SDK1: variants seen among roughly 807,000 people sequenced by gnomAD.
SDK1 encodes the protein sidekick cell adhesion molecule 1.
A neutral mutation model predicts 245.5 loss-of-function variants in SDK1; 157 were observed. The ratio of observed to expected loss-of-function variants is 0.64; its 90% CI spans 0.56 to 0.73. The LOEUF is 0.73. Among genes scored for constraint, SDK1 ranks in the 30% least tolerant of loss-of-function variants. SDK1 has a pLI of 0.00. For synonymous variants in SDK1, 1,647 were observed against 1,278.5 expected (o/e 1.29, Z -6.15); for missense variants, 3,583 against 3,002.3 (o/e 1.19, Z -4.52).
At chr7:3,796,980 TC>T (rs1310921370) in intron 4 of SDK1, among the ~76,000 whole-genome samples, 3 of 152,050 alleles carry the variant, frequency 2.0e-5, no homozygotes, top group African/African-American at 4.8e-5. Flanking sequence ...TCTTTTTTTT[TC>T]CTTTTCTTTT....
At chr7:3,580,917 C>A (rs370609977) in intron 1 of SDK1, among the ~76,000 whole-genome samples, 24 of 132,736 alleles carry the variant, frequency 1.8e-4, no homozygotes, top group African/African-American at 6.6e-4. Flanking sequence ...GCAGATGAGC[C>A]GAGATTGCAC....
chr7:3,428,641 G>C (rs894058834), intron 1 of SDK1, among the ~76,000 whole-genome samples: 14 of 152,150 alleles, frequency 9.2e-5, no homozygotes, highest in African/African-American at 3.1e-4. Flanking sequence ...CTCTGTCTGT[G>C]CTTAGCTTGG....
At chr7:3,419,646 C>G (rs1035976750) in intron 1 of SDK1, among the ~76,000 whole-genome samples, 1 of 152,122 alleles carries the variant, frequency 6.6e-6, no homozygotes, top group Non-Finnish European at 1.5e-5. Flanking sequence ...TTCACAATGT[C>G]GATCATATGG....
chr7:3,375,052 A>G (rs1781319461), intron 1 of SDK1, among the ~76,000 whole-genome samples: 2 of 152,220 alleles, frequency 1.3e-5, no homozygotes, highest in South Asian at 4.1e-4. Flanking sequence ...TTAAGCAAGT[A>G]TTAGTTGAAT....
chr7:4,216,189 T>G (rs968106898), intron 38 of SDK1, among the ~76,000 whole-genome samples: 5 of 152,128 alleles, frequency 3.3e-5, no homozygotes, highest in African/African-American at 1.2e-4. Context: ...CGGGATAGCT[T>G]GAAAAGGACG....
chr7:3,499,602 C>T (rs1255268278), intron 1 of SDK1, among the ~76,000 whole-genome samples: 1 of 152,160 alleles, frequency 6.6e-6, no homozygotes, highest in East Asian at 1.9e-4. Context: ...TGTTGTTTTG[C>T]ATAAAGCAGT....
intron 1 of SDK1, among the ~76,000 whole-genome samples, chr7:3,561,997 G>A (rs1415901605): frequency 2.0e-5 from 3 of 152,178 alleles, no homozygotes; most frequent in East Asian, 1.9e-4. Flanking sequence ...AAAATATAGA[G>A]GAAATAAGCA....
intron 36 of SDK1, among the ~76,000 whole-genome samples, chr7:4,207,339 C>G (rs919365379): frequency 1.3e-5 from 2 of 152,204 alleles, no homozygotes; most frequent in Non-Finnish European, 2.9e-5. Context: ...CTTTGGGCAG[C>G]CTGGCTGGCA....
chr7:4,251,715 A>T (rs1787309674), intron 44 of SDK1, among the ~76,000 whole-genome samples: 1 of 152,222 alleles, frequency 6.6e-6, no homozygotes, highest in South Asian at 2.1e-4. Context: ...AATGAAAGGA[A>T]CTTTTTACCA....
At position 4,245,742 on chromosome 7, in the gene SDK1, C is replaced by G. The variant is rs775866388; in HGVS notation, c.6318C>G (p.Asn2106Lys). The change falls in exon 44 of 45, where the codon AAC (asparagine) becomes AAG (lysine). Residue 2106 changes from asparagine (N) to lysine (K), a missense_variant. Asn to Lys is a moderately conservative substitution (Grantham distance 94, BLOSUM62 0). Coordinates refer to ENST00000404826, the MANE Select transcript of SDK1 (RefSeq NM_152744.4). ...YSDEDICNKY[N>K]GAVLTESVSL... ...ACGAGGACATCTGCAACAAGTACAA[C>G]GGCGCCGTGCTGACCGAGAGCGTGA... 7.4e-6 allele frequency: 12 copies of G among 1,614,066 alleles called. No homozygotes were observed. The highest frequency in any genetic ancestry group is 2.2e-5 in the East Asian group (1 of 44,852).
At chr7:4,109,790 G>T (rs1468856130) in intron 22 of SDK1, among the ~76,000 whole-genome samples, 1 of 152,186 alleles carries the variant, frequency 6.6e-6, no homozygotes, top group African/African-American at 2.4e-5. Flanking sequence ...AAGCGGCACT[G>T]GCACTCGGGT....
chr7:3,611,934 A>G (rs1208524937), intron 1 of SDK1, among the ~76,000 whole-genome samples: 1 of 152,190 alleles, frequency 6.6e-6, no homozygotes, highest in African/African-American at 2.4e-5. Flanking sequence ...GGAGTGAAAT[A>G]ATGGCATTCA....
chr7:4,233,221 A>C, intron 40 of SDK1, 34 bp from the exon 41 acceptor site: 1 of 1,599,262 alleles, frequency 6.3e-7, no homozygotes. Context: ...TCGCACTTCT[A>C]ACCTCTGCTC....
intron 5 of SDK1, among the ~76,000 whole-genome samples, chr7:3,834,314 G>C (rs1779982750): frequency 6.6e-6 from 1 of 152,208 alleles, no homozygotes; most frequent in South Asian, 2.1e-4. Flanking sequence ...AATATGACAT[G>C]TGGTTCCTGC....
chr7:3,381,496 G>A (rs984695440), intron 1 of SDK1, among the ~76,000 whole-genome samples: 4 of 152,124 alleles, frequency 2.6e-5, no homozygotes, highest in Non-Finnish European at 4.4e-5. Context: ...GAGAGGGGGC[G>A]GGGAAGGGGG....
chr7:3,711,093 T>C (rs1785037152), intron 4 of SDK1, among the ~76,000 whole-genome samples: 1 of 152,306 alleles, frequency 6.6e-6, no homozygotes. Context: ...GAAAGGAAAA[T>C]AGTTTCGTAT....
intron 1 of SDK1, among the ~76,000 whole-genome samples, chr7:3,339,534 A>G (rs1780289980): frequency 6.6e-6 from 1 of 152,178 alleles, no homozygotes; most frequent in Admixed American, 6.5e-5. Context: ...GGGCTATAAA[A>G]TAAAAAACGT....
At chr7:4,100,204 T>C (rs1401124656) in intron 22 of SDK1, among the ~76,000 whole-genome samples, 1 of 152,044 alleles carries the variant, frequency 6.6e-6, no homozygotes, top group Non-Finnish European at 1.5e-5. Context: ...AGGGATCAGA[T>C]CTGATGGGAG....
intron 1 of SDK1, among the ~76,000 whole-genome samples, chr7:3,439,516 C>G (rs756623964): frequency 6.6e-6 from 1 of 152,108 alleles, no homozygotes; most frequent in African/African-American, 2.4e-5. Context: ...GAAGCATAAG[C>G]TAAATCCAGA....
Sources: allele counts gnomAD v4.1 joint callset (sites outside exome capture counted in the v4.1 genomes callset), GRCh38; gene constraint gnomAD v4.1.1; transcripts MANE v1.5; gene names NCBI Gene and HGNC (gene_info 2026-07-23, HGNC 2026-07-21).